The following PSD3 variants were observed in gnomAD, a reference collection of about 807,000 sequenced individuals.
The protein encoded by PSD3 is PH and SEC7 domain-containing protein 3.
PSD3 carries 49 observed loss-of-function variants against 105.5 expected under a neutral mutation model. The ratio of observed to expected loss-of-function variants is 0.46; its 90% CI spans 0.37 to 0.59. PSD3 has a LOEUF of 0.59. Ranked by LOEUF, PSD3 falls within the 20% of genes least tolerant of loss-of-function variation. The probability of loss-of-function intolerance (pLI) is 0.00; values close to 1 mark genes in which losing one functional copy is unlikely to be tolerated. For missense variants in PSD3, 1,561 were observed against 1,263.8 expected (o/e 1.24, Z -3.57); for synonymous variants, 557 against 457.8 (o/e 1.22, Z -2.77).
At chr8:19,017,568 T>A (rs1004970457), upstream of PSD3, among the ~76,000 whole-genome samples, 3 of 152,170 alleles carry the variant, frequency 2.0e-5, no homozygotes, top group African/African-American at 7.2e-5. Context: ...CTCTTTTCCC[T>A]CCAAACCCCT....
chr8:18,651,423 C>T (rs1808470521), intron 10 of PSD3, among the ~76,000 whole-genome samples: 1 of 152,216 alleles, frequency 6.6e-6, no homozygotes, highest in Admixed American at 6.5e-5. Context: ...GTAGCATCAC[C>T]ACCTTTCCTG....
chr8:18,606,712 G>C (rs1467531235), intron 11 of PSD3, among the ~76,000 whole-genome samples: 1 of 151,956 alleles, frequency 6.6e-6, no homozygotes, highest in Non-Finnish European at 1.5e-5. Flanking sequence ...TATTACAGTA[G>C]GTGAGATAAG....
At chr8:18,994,486 C>T (rs146637075) in intron 1 of PSD3, among the ~76,000 whole-genome samples, 1 of 152,156 alleles carries the variant, frequency 6.6e-6, no homozygotes, top group Non-Finnish European at 1.5e-5. Context: ...GTCATACCTG[C>T]AGCTGCTCTG....
intron 1 of PSD3, among the ~76,000 whole-genome samples, chr8:19,070,298 C>G (rs549728863): frequency 1.3e-5 from 2 of 149,516 alleles, no homozygotes; most frequent in African/African-American, 4.9e-5. Flanking sequence ...AAATTTGGAG[C>G]ATTCACTTTC....
At chr8:18,735,762 T>A (rs1197192006) in intron 9 of PSD3, among the ~76,000 whole-genome samples, 1 of 152,150 alleles carries the variant, frequency 6.6e-6, no homozygotes, top group Non-Finnish European at 1.5e-5. Context: ...AAACAAAGGA[T>A]TATTGGATAC....
At chr8:18,627,493 G>T (rs774704110) in intron 11 of PSD3, among the ~76,000 whole-genome samples, 19 of 152,176 alleles carry the variant, frequency 1.2e-4, no homozygotes, top group Admixed American at 1.2e-3. Flanking sequence ...GGGCTAAGAA[G>T]AATTTATGTT....
chr8:18,916,033 T>G (rs1298282086), intron 2 of PSD3, among the ~76,000 whole-genome samples: 2 of 151,244 alleles, frequency 1.3e-5, no homozygotes, highest in Non-Finnish European at 2.9e-5. Flanking sequence ...GAGGCGGAGG[T>G]TGCAGTGAGC....
chr8:18,542,240 A>C (rs1800193731), intron 15 of PSD3, among the ~76,000 whole-genome samples: 2 of 152,214 alleles, frequency 1.3e-5, no homozygotes, highest in Non-Finnish European at 2.9e-5. Flanking sequence ...CTAAAAGCAT[A>C]CATTAAAAAG....
rs1164833126 is a variant in PSD3, at chr8:18,532,763, G to C, written c.*2980C>G. ...AATGAGGAATCCCAGACACCTCCCT[G>C]TAAAAGCCAGCATGCGAGGTGGGGA... On this transcript the variant is annotated 3_prime_UTR_variant, in exon 16 of 16. Transcript: ENST00000327040. 6.6e-6 allele frequency: 1 copy of C among 152,150 alleles called. No individual in the cohort carries two copies. The highest frequency in any genetic ancestry group is 2.4e-5 in the African/African-American group (1 of 41,432). 9.4% of individuals were successfully genotyped at this position (152,150 alleles called of 1,614,324 possible). A position where few individuals can be genotyped will look rare whatever the true frequency, so the allele number is the denominator to read the frequency against.
intron 11 of PSD3, among the ~76,000 whole-genome samples, chr8:18,620,345 T>TTTTTTG: frequency 7.0e-6 from 1 of 142,414 alleles, no homozygotes; most frequent in East Asian, 1.9e-4. Context: ...GGTTTGTGTT[T>TTTTTTG]TTTTTTTTTT....
At chr8:18,757,535 C>T (rs890321072) in intron 9 of PSD3, among the ~76,000 whole-genome samples, 6 of 152,146 alleles carry the variant, frequency 3.9e-5, no homozygotes, top group East Asian at 1.9e-4. Flanking sequence ...TTTTCTACTT[C>T]GTTCAGGTAA....
intron 12 of PSD3, among the ~76,000 whole-genome samples, chr8:18,587,278 A>G (rs1445615706): frequency 1.3e-5 from 2 of 152,160 alleles, no homozygotes; most frequent in Non-Finnish European, 2.9e-5. Flanking sequence ...GTACCTGAGT[A>G]TAGGTGGCAG....
chr8:18,576,688 G>T (rs2245642), intron 12 of PSD3, among the ~76,000 whole-genome samples: 140,615 of 152,120 alleles, frequency 0.92, 65,126 homozygotes, highest in East Asian at 1. Context: ...AACAGAACCC[G>T]GCACATGTGG....
intron 9 of PSD3, among the ~76,000 whole-genome samples, chr8:18,674,461 T>C (rs1006237665): frequency 1.3e-5 from 2 of 152,216 alleles, no homozygotes; most frequent in African/African-American, 2.4e-5. Context: ...TTTGGGTCCT[T>C]GAAGGTCTAC....
intron 4 of PSD3, among the ~76,000 whole-genome samples, chr8:18,841,006 T>G (rs1013117420): frequency 6.6e-6 from 1 of 152,136 alleles, no homozygotes; most frequent in African/African-American, 2.4e-5. Context: ...CTTGGTAAGG[T>G]TATTAGAATA....
intron 8 of PSD3, among the ~76,000 whole-genome samples, chr8:18,793,874 CTA>C (rs1809984739): frequency 6.6e-6 from 1 of 152,158 alleles, no homozygotes; most frequent in African/African-American, 2.4e-5. Context: ...GATATTAACT[CTA>C]TGAGGTTCAT....
chr8:18,688,993 C>A (rs1004875012), intron 9 of PSD3, among the ~76,000 whole-genome samples: 1 of 152,130 alleles, frequency 6.6e-6, no homozygotes, highest in African/African-American at 2.4e-5. Flanking sequence ...ACTAATTAAG[C>A]GGAAGGCTGG....
chr8:18,949,702 G>T (rs992933836), intron 1 of PSD3, among the ~76,000 whole-genome samples: 1 of 152,046 alleles, frequency 6.6e-6, no homozygotes, highest in Non-Finnish European at 1.5e-5. Context: ...TGAATATTAT[G>T]AAGAACTGTC....
At chr8:18,699,903 G>A (rs539975696) in intron 9 of PSD3, among the ~76,000 whole-genome samples, 5 of 150,390 alleles carry the variant, frequency 3.3e-5, no homozygotes, top group Non-Finnish European at 7.4e-5. Flanking sequence ...TGCAGATTCC[G>A]CTCCTATATT....
Sources: gnomAD v4.1 joint callset for allele counts (sites outside exome capture counted in the v4.1 genomes callset) on GRCh38, gnomAD v4.1.1 for gene constraint, MANE v1.5 for transcripts, NCBI Gene and HGNC (gene_info 2026-07-23, HGNC 2026-07-21) for gene names.